The following SH3GL2 variants were observed in gnomAD, a reference collection of about 807,000 sequenced individuals.
SH3GL2 encodes endophilin-A1.
SH3GL2 carries 24 observed loss-of-function variants against 46.0 expected under a neutral mutation model. That is an observed-to-expected ratio of 0.52 (90% CI 0.38 to 0.73). SH3GL2 has a LOEUF of 0.73. Among genes scored for constraint, SH3GL2 ranks in the 30% least tolerant of loss-of-function variants. The pLI is 0.00. For synonymous variants in SH3GL2, 196 were observed against 147.1 expected (o/e 1.33, Z -2.40); for missense variants, 413 against 424.2 (o/e 0.97, Z 0.23).
chr9:17,761,296 G>A (rs930634789), intron 2 of SH3GL2, 141 bp from the exon 3 acceptor site: 14 of 649,750 alleles, frequency 2.2e-5, no homozygotes, highest in Admixed American at 9.4e-5. Context: ...ACTTCCAGCC[G>A]CGTCTCAGCC....
chr9:17,713,324 A>G (rs543204304), intron 1 of SH3GL2, among the ~76,000 whole-genome samples: 10 of 151,668 alleles, frequency 6.6e-5, no homozygotes, highest in African/African-American at 1.9e-4. Flanking sequence ...AGATTTATCA[A>G]TTTTATTGAT....
intron 1 of SH3GL2, among the ~76,000 whole-genome samples, chr9:17,644,185 T>C (rs1819751631): frequency 6.6e-6 from 1 of 152,204 alleles, no homozygotes; most frequent in South Asian, 2.1e-4. Context: ...TGGTATCCCC[T>C]TTATATCATT....
intron 1 of SH3GL2, among the ~76,000 whole-genome samples, chr9:17,615,263 C>T (rs1472197402): frequency 6.6e-6 from 1 of 152,194 alleles, no homozygotes; most frequent in Non-Finnish European, 1.5e-5. Context: ...TAGGAATTCT[C>T]AGATAAATCC....
chr9:17,594,370 C>T (rs2134552165), intron 1 of SH3GL2, among the ~76,000 whole-genome samples: 2 of 152,146 alleles, frequency 1.3e-5, no homozygotes, highest in South Asian at 2.1e-4. Context: ...ACCACTTTAT[C>T]AGCTTCATAT....
At chr9:17,627,982 G>C (rs1285305091) in intron 1 of SH3GL2, among the ~76,000 whole-genome samples, 2 of 152,150 alleles carry the variant, frequency 1.3e-5, no homozygotes, top group Non-Finnish European at 2.9e-5. Context: ...TGAGTGTAGA[G>C]TGGTTGTAAT....
intron 1 of SH3GL2, among the ~76,000 whole-genome samples, chr9:17,653,188 G>GT (rs1819995720): frequency 6.6e-6 from 1 of 151,966 alleles, no homozygotes; most frequent in East Asian, 1.9e-4. Context: ...TCACTGTCTT[G>GT]TTTTCTGTCT....
intron 3 of SH3GL2, among the ~76,000 whole-genome samples, chr9:17,777,090 G>A (rs898140965): frequency 6.6e-6 from 1 of 152,108 alleles, no homozygotes; most frequent in Non-Finnish European, 1.5e-5. Context: ...CTTTATTTCG[G>A]AAAATCTTAG....
chr9:17,688,144 T>G (rs1290894806), intron 1 of SH3GL2, among the ~76,000 whole-genome samples: 1 of 152,110 alleles, frequency 6.6e-6, no homozygotes, highest in African/African-American at 2.4e-5. Context: ...TTTGTTATGC[T>G]ACTTAGCAAT....
intron 8 of SH3GL2, among the ~76,000 whole-genome samples, chr9:17,794,190 C>T (rs1824215638): frequency 6.6e-6 from 1 of 152,214 alleles, no homozygotes; most frequent in Non-Finnish European, 1.5e-5. Flanking sequence ...TCCACTCCTA[C>T]ACGCAGATTA....
intron 1 of SH3GL2, among the ~76,000 whole-genome samples, chr9:17,682,431 C>G (rs537541081): frequency 1.3e-5 from 2 of 152,178 alleles, no homozygotes; most frequent in South Asian, 2.1e-4. Flanking sequence ...AAGCCAGAAG[C>G]CATCATCCTC....
chr9:17,624,850 A>C (rs1819243758), intron 1 of SH3GL2, among the ~76,000 whole-genome samples: 1 of 152,128 alleles, frequency 6.6e-6, no homozygotes, highest in Admixed American at 6.5e-5. Flanking sequence ...GTGCTGTGTG[A>C]AGTGTTAGGC....
chr9:17,653,351 T>C (rs1176608166), intron 1 of SH3GL2, among the ~76,000 whole-genome samples: 2 of 152,208 alleles, frequency 1.3e-5, no homozygotes, highest in Non-Finnish European at 2.9e-5. Flanking sequence ...CCCATCTGTT[T>C]ACTTTCCTCT....
intron 2 of SH3GL2, chr9:17,755,845 A>G (rs140990813): frequency 1.0e-4 from 91 of 881,532 alleles, no homozygotes; most frequent in Non-Finnish European, 1.2e-4. Context: ...TAATATTCCC[A>G]TGTCTCTGGA....
chr9:17,783,097 G>A (rs1411849956), intron 3 of SH3GL2, among the ~76,000 whole-genome samples: 1 of 152,122 alleles, frequency 6.6e-6, no homozygotes, highest in Non-Finnish European at 1.5e-5. Flanking sequence ...CCAGTATCCA[G>A]TGCCTGTTGT....
At chr9:17,726,707 T>G (rs1822028930) in intron 1 of SH3GL2, among the ~76,000 whole-genome samples, 1 of 152,180 alleles carries the variant, frequency 6.6e-6, no homozygotes, top group African/African-American at 2.4e-5. Context: ...TCAATTAGCA[T>G]TAAAGATATT....
chr9:17,656,770 C>CAAAAAAAAAAAAAAAAAAAAAAA (rs36079244), intron 1 of SH3GL2, among the ~76,000 whole-genome samples: 1 of 101,566 alleles, frequency 9.8e-6, no homozygotes. Flanking sequence ...GACTACATCT[C>CAAAAAAAAAAAAAAAAAAAAAAA]AAAAAAAAAA....
At chr9:17,762,415 AG>A (rs1491410851) in intron 3 of SH3GL2, among the ~76,000 whole-genome samples, 3 of 145,130 alleles carry the variant, frequency 2.1e-5, no homozygotes, top group South Asian at 2.2e-4. Context: ...AAAAAAAAAA[AG>A]GGGGCGGGTG....
At chr9:17,673,832 G>A (rs1013799341) in intron 1 of SH3GL2, among the ~76,000 whole-genome samples, 1 of 151,904 alleles carries the variant, frequency 6.6e-6, no homozygotes, top group African/African-American at 2.4e-5. Flanking sequence ...GCTTTTCTAG[G>A]GTGCCTCCCT....
chr9:17,699,428 C>T (rs1196199306), intron 1 of SH3GL2, among the ~76,000 whole-genome samples: 4 of 152,302 alleles, frequency 2.6e-5, no homozygotes, highest in Admixed American at 2.6e-4. Flanking sequence ...ATATCACCCT[C>T]CAGGGATATT....
Sources: gnomAD v4.1 joint callset for allele counts (sites outside exome capture counted in the v4.1 genomes callset) on GRCh38, gnomAD v4.1.1 for gene constraint, MANE v1.5 for transcripts, NCBI Gene and HGNC (gene_info 2026-07-23, HGNC 2026-07-21) for gene names.